The following ZMYM1 variants were observed in gnomAD, a reference collection of about 807,000 sequenced individuals.
The protein encoded by ZMYM1 is zinc finger MYM-type protein 1.
ZMYM1 carries 39 observed loss-of-function variants against 60.0 expected under a neutral mutation model. The ratio of observed to expected loss-of-function variants is 0.65; its 90% CI spans 0.50 to 0.85. ZMYM1 has a LOEUF of 0.85. Ranked by LOEUF, ZMYM1 falls within the 40% of genes least tolerant of loss-of-function variation. The probability of loss-of-function intolerance (pLI) is 0.00; values close to 1 mark genes in which losing one functional copy is unlikely to be tolerated. For missense variants in ZMYM1, 1,171 were observed against 1,309.5 expected (o/e 0.89, Z 1.63); for synonymous variants, 413 against 454.0 (o/e 0.91, Z 1.15).
In ZMYM1 at chr1:35,114,179, A is replaced by G; in HGVS notation, c.2349A>G (p.Glu783=). 1 of 1,611,374 alleles carries G rather than the reference A, an allele frequency of 6.2e-7. No homozygotes were observed. The highest frequency in any genetic ancestry group is 1.1e-5 in the South Asian group (1 of 89,972). ...TCAACACTATTTGTATGTCTGGGGA[A>G]ATGTTGGCAAATTTTCGAAACATTT... ...SLFNTICMSG[E]MLANFRNIYR... is the part of the protein sequence containing the mutation. The change falls in exon 10 of 10, where the codon GAA becomes GAG. Residue 783 remains glutamate (E), a synonymous_variant. Coordinates refer to ENST00000359858, the MANE Select transcript of ZMYM1 (RefSeq NM_024772.5).
At position 35,085,837 on chromosome 1, in the gene ZMYM1, C is replaced by T. The variant is rs556419707; in HGVS notation, c.-75+6395C>T. On this transcript the variant is annotated intron_variant, in intron 1 of 9. Coordinates refer to ENST00000359858, the MANE Select transcript of ZMYM1 (RefSeq NM_024772.5). ...GTTGGAGTGCTAGGTTCACACTGGC[C>T]CCTAGCATTTGTGGGGTCCTTGCTA... is the stretch of plus-strand genomic sequence containing the variant. Among the ~76,000 whole-genome samples, 6 of 152,236 alleles carry T rather than the reference C, an allele frequency of 3.9e-5. No homozygotes were observed. In the South Asian group the frequency reaches 1.0e-3, roughly 26 times the overall value.
chr1:35,092,718 C>T (rs978007292), intron 1 of ZMYM1, among the ~76,000 whole-genome samples: 7 of 152,052 alleles, frequency 4.6e-5, no homozygotes, highest in Admixed American at 4.6e-4. Flanking sequence ...ACCTCTGCCT[C>T]CCGGGTTCAA....
chr1:35,088,539 AG>A (rs1208970157), intron 1 of ZMYM1, among the ~76,000 whole-genome samples: 1 of 146,472 alleles, frequency 6.8e-6, no homozygotes, highest in Non-Finnish European at 1.5e-5. Flanking sequence ...ATTACTACCA[AG>A]TAGTATTGCC....
intron 1 of ZMYM1, among the ~76,000 whole-genome samples, chr1:35,060,146 A>C (rs201123876): frequency 1.1e-5 from 1 of 87,814 alleles, no homozygotes; most frequent in African/African-American, 8.1e-5. Context: ...ATTTGTTGTT[A>C]TTATTATTAT....
At chr1:35,080,950 T>A (rs999492204) in intron 1 of ZMYM1, among the ~76,000 whole-genome samples, 1 of 726 alleles carries the variant, frequency 1.4e-3, no homozygotes, top group Non-Finnish European at 0.011. Flanking sequence ...ATAAAATAAT[T>A]TTTTTTTTTT....
At chr1:35,109,062 CAGG>C (rs1643996682) in intron 6 of ZMYM1, among the ~76,000 whole-genome samples, 1 of 151,854 alleles carries the variant, frequency 6.6e-6, no homozygotes, top group Non-Finnish European at 1.5e-5. Context: ...CTCTGTCACC[CAGG>C]CTGGAGTGCA....
At chr1:35,101,835 G>A (rs374061139) in intron 4 of ZMYM1, among the ~76,000 whole-genome samples, 1 of 152,138 alleles carries the variant, frequency 6.6e-6, no homozygotes, top group African/African-American at 2.4e-5. Context: ...GAGCCACCGC[G>A]CCTGCTATTA....
In ZMYM1 at chr1:35,113,010, G is replaced by A; in HGVS notation, c.1180G>A (p.Ala394Thr). 1 of 1,601,530 alleles carries A rather than the reference G, an allele frequency of 6.2e-7. No individual in the cohort carries two copies. The highest frequency in any genetic ancestry group is 8.5e-7 in the Non-Finnish European group (1 of 1,175,464). Residue 394 changes from alanine (A) to threonine (T), a missense_variant, in exon 10 of 10, where the codon GCT becomes ACT. Transcript: ENST00000359858. ...GAGTTCACCTAGTGAACCCAGTAAT[G>A]CTGTTGCTAGTAGTAGTACGGAACA... Reference protein sequence around the residue: ...SKSSPSEPSNAVASSSTEQPS... With the variant: ...SKSSPSEPSNTVASSSTEQPS...
intron 4 of ZMYM1, among the ~76,000 whole-genome samples, chr1:35,098,739 C>T (rs1643475429): frequency 6.6e-6 from 1 of 152,154 alleles, no homozygotes; most frequent in South Asian, 2.1e-4. Context: ...AACCCTGTCT[C>T]TACTAAAATA....
chr1:35,114,204 T>C lies in ZMYM1; in HGVS notation c.2374T>C (p.Tyr792His), dbSNP rs1185690821. 6.2e-7 allele frequency: 1 copy of C among 1,613,102 alleles called. No homozygotes were observed. Among genetic ancestry groups the C allele is most frequent in the African/African-American group, 1.3e-5 (1 of 74,890 alleles). Residue 792 changes from tyrosine to histidine, a missense_variant, in exon 10 of 10, where the codon TAT becomes CAT. By Grantham distance (83) the Tyr-to-His change is moderately conservative (BLOSUM62 2). Transcript: ENST00000359858. ...AATGTTGGCAAATTTTCGAAACATT[T>C]ATAGGCTAAGTCAAAACAAAACATG... Reference protein sequence around the residue: ...GEMLANFRNIYRLSQNKTCKK... With the variant: ...GEMLANFRNIHRLSQNKTCKK...
At position 35,089,738 on chromosome 1, in the gene ZMYM1, C is replaced by CTTTTTTTTTTTTTT. The variant is rs71029065; in HGVS notation, c.-74-4164_-74-4151dup. Among the ~76,000 whole-genome samples, 4 of 60,992 alleles carry CTTTTTTTTTTTTTT rather than the reference C, an allele frequency of 6.6e-5. 1 individual carries two copies. Among genetic ancestry groups the CTTTTTTTTTTTTTT allele is most frequent in the Non-Finnish European group, 1.1e-4 (4 of 37,500 alleles). The allele number at this position is 60,992 out of a possible 152,430, so 40.0% of individuals were successfully genotyped here. A position where few individuals can be genotyped will look rare whatever the true frequency, so the allele number is the denominator to read the frequency against. The stretch of plus-strand genomic sequence containing the variant: ...CCCTCCATAATGATTAGTTGTAAGG[C>CTTTTTTTTTTTTTT]TTTTTTTTTTTTTTTTTTTTTTTTT... On this transcript the variant is annotated intron_variant, in intron 1 of 9. Transcript: ENST00000359858.
chr1:35,069,329 T>G (rs1053078292), intron 1 of ZMYM1, among the ~76,000 whole-genome samples: 1 of 152,214 alleles, frequency 6.6e-6, no homozygotes, highest in Non-Finnish European at 1.5e-5. Context: ...TGATTTGCAT[T>G]TCCCTGATAT....
intron 1 of ZMYM1, among the ~76,000 whole-genome samples, chr1:35,090,537 G>T (rs1223205327): frequency 6.6e-6 from 1 of 152,098 alleles, no homozygotes; most frequent in Non-Finnish European, 1.5e-5. Flanking sequence ...AATGAAAAAA[G>T]AAAAAGAGAC....
intron 1 of ZMYM1, among the ~76,000 whole-genome samples, chr1:35,073,272 A>G (rs1642101770): frequency 6.8e-6 from 1 of 147,666 alleles, no homozygotes; most frequent in African/African-American, 2.5e-5. Flanking sequence ...AAAAAAGGAA[A>G]GAAAGAAGGA....
intron 1 of ZMYM1, among the ~76,000 whole-genome samples, chr1:35,066,399 T>C (rs1480465583): frequency 6.6e-6 from 1 of 152,164 alleles, no homozygotes; most frequent in African/African-American, 2.4e-5. Flanking sequence ...GGTTTCACCA[T>C]GTTGGCCAGG....
At chr1:35,086,981 C>CATTTTT (rs1642689659) in intron 1 of ZMYM1, among the ~76,000 whole-genome samples, 1 of 130,486 alleles carries the variant, frequency 7.7e-6, no homozygotes, top group African/African-American at 3.2e-5. Context: ...CCGCACCCAG[C>CATTTTT]CTTTTTTTTT....
intron 1 of ZMYM1, among the ~76,000 whole-genome samples, chr1:35,088,507 C>A (rs3125606): frequency 7.7e-6 from 1 of 130,378 alleles, no homozygotes; most frequent in East Asian, 2.5e-4. Flanking sequence ...TGTGTATGTA[C>A]ATATATGTAT....
chr1:35,106,628 A>G (rs966727992), intron 6 of ZMYM1, among the ~76,000 whole-genome samples: 1 of 151,696 alleles, frequency 6.6e-6, no homozygotes, highest in Non-Finnish European at 1.5e-5. Flanking sequence ...AAAAAAAAAA[A>G]AAAGCAGTTG....
intron 6 of ZMYM1, among the ~76,000 whole-genome samples, chr1:35,105,520 G>A (rs182597836): frequency 2.6e-5 from 4 of 152,152 alleles, no homozygotes; most frequent in African/African-American, 9.6e-5. Flanking sequence ...TGCAACCTCC[G>A]CCTCCCAGGT....
Sources: gnomAD v4.1 joint callset for allele counts (sites outside exome capture counted in the v4.1 genomes callset) on GRCh38, gnomAD v4.1.1 for gene constraint, MANE v1.5 for transcripts, NCBI Gene and HGNC (gene_info 2026-07-23, HGNC 2026-07-21) for gene names.